Variants in NAV3 observed in about 807,000 individuals in gnomAD.
NAV3 encodes neuron navigator 3.
NAV3 carries 87 observed loss-of-function variants against 244.7 expected under a neutral mutation model. That is an observed-to-expected ratio of 0.36 (90% confidence interval 0.30 to 0.42). The LOEUF (loss-of-function observed/expected upper bound fraction) is 0.42, where lower values mean the gene tolerates loss of function less well. Ranked by LOEUF, NAV3 falls within the 20% of genes least tolerant of loss-of-function variation. NAV3 has a pLI of 1.00. For missense variants in NAV3, 2,663 were observed against 2,893.3 expected, an observed-to-expected ratio of 0.92 and a Z score of 1.83; for synonymous variants, 1,126 against 1,042.2, an observed-to-expected ratio of 1.08 and a Z score of -1.55.
intron 2 of NAV3, among the ~76,000 whole-genome samples, chr12:77,630,462 A>G (rs1383354234): frequency 1.3e-5 from 2 of 151,970 alleles, no homozygotes; most frequent in Non-Finnish European, 2.9e-5. Context: ...TATCTTCTGT[A>G]CTCTCCATAG....
chr12:78,211,067 C>T lies in NAV3; in HGVS notation c.*550C>T, dbSNP rs1960845146. ...AGCACAAATGGAATTGTGCAACCAC[C>T]AGAAAAACACTACTGTGGCAAACTG... On this transcript the variant is annotated 3_prime_UTR_variant, in exon 40 of 40. Transcript: ENST00000397909. The T allele has an allele frequency of 6.5e-6, 1 of 152,692 alleles. No homozygotes were observed. The highest frequency in any genetic ancestry group is 2.1e-4 in the South Asian group (1 of 4,830). The allele number at this position is 152,692 out of a possible 1,614,324, so 9.5% of individuals were successfully genotyped here.
intron 2 of NAV3, among the ~76,000 whole-genome samples, chr12:77,754,012 G>A (rs1295860487): frequency 6.6e-6 from 1 of 152,030 alleles, no homozygotes; most frequent in Non-Finnish European, 1.5e-5. Context: ...AAAAAGGTAG[G>A]CTAGGTATGC....
At chr12:77,673,240 C>G (rs1387495745) in intron 2 of NAV3, among the ~76,000 whole-genome samples, 1 of 152,058 alleles carries the variant, frequency 6.6e-6, no homozygotes, top group Non-Finnish European at 1.5e-5. Flanking sequence ...CTTTACTATT[C>G]ACACATATGT....
At chr12:77,923,960 G>T (rs1007908228) in intron 1 of NAV3, among the ~76,000 whole-genome samples, 2 of 152,162 alleles carry the variant, frequency 1.3e-5, no homozygotes, top group African/African-American at 4.8e-5. Flanking sequence ...GCTCTCTATA[G>T]GAGTTGTAAT....
chr12:78,144,877 G>C (rs143578753), intron 20 of NAV3, among the ~76,000 whole-genome samples: 1 of 129,428 alleles, frequency 7.7e-6, no homozygotes, highest in African/African-American at 3.0e-5. Context: ...TTGTGAATGC[G>C]CAGTGCACCT....
chr12:78,187,579 A>C (rs1017826388), intron 31 of NAV3, among the ~76,000 whole-genome samples: 26 of 151,916 alleles, frequency 1.7e-4, no homozygotes, highest in Admixed American at 1.5e-3. Context: ...ATAGATTTGG[A>C]ACCATTATGT....
intron 23 of NAV3, among the ~76,000 whole-genome samples, chr12:78,161,104 G>A (rs918152229): frequency 6.6e-6 from 1 of 152,066 alleles, no homozygotes; most frequent in African/African-American, 2.4e-5. Context: ...TCTTGAATGA[G>A]AATTCTGGCT....
intron 1 of NAV3, among the ~76,000 whole-genome samples, chr12:77,890,985 G>C (rs1883865826): frequency 1.3e-5 from 2 of 151,994 alleles, no homozygotes; most frequent in Non-Finnish European, 2.9e-5. Flanking sequence ...CTCCAAAGCA[G>C]ACTGTGATTA....
At chr12:77,681,345 T>C (rs1475521375) in intron 2 of NAV3, among the ~76,000 whole-genome samples, 1 of 152,210 alleles carries the variant, frequency 6.6e-6, no homozygotes, top group Non-Finnish European at 1.5e-5. Flanking sequence ...CCAAATCTTT[T>C]GTGTGTAGTA....
intron 14 of NAV3, 97 bp from the exon 15 acceptor site, chr12:78,119,140 A>AT: frequency 8.6e-7 from 1 of 1,162,266 alleles, no homozygotes. Flanking sequence ...GAAGGGAAAT[A>AT]ATATAAAGAA....
At chr12:77,647,276 C>CAAGAAAAACATACCA (rs1872643662) in intron 2 of NAV3, among the ~76,000 whole-genome samples, 1 of 152,004 alleles carries the variant, frequency 6.6e-6, no homozygotes, top group Non-Finnish European at 1.5e-5. Flanking sequence ...AGAGGAGTAA[C>CAAGAAAAACATACCA]ATTTCTTGGT....
rs139873197 is a variant in NAV3 at position 77,779,146 on chromosome 12, A to T, written c.73-161173A>T. On this transcript the variant is annotated intron_variant, in intron 2 of 8. Transcript: ENST00000550042. The stretch of plus-strand genomic sequence containing the variant: ...GTCATATTTCTTGTTTCCGCTACAA[A>T]TATTGGTTTGGGATAGATATTATGA... Among the ~76,000 whole-genome samples, 38 of 152,334 alleles carry T rather than the reference A, an allele frequency of 2.5e-4. No homozygotes were observed. In the East Asian group the frequency reaches 6.7e-3, roughly 27 times the overall value.
At chr12:77,792,994 C>T (rs1592687429) in intron 2 of NAV3, among the ~76,000 whole-genome samples, 1 of 152,238 alleles carries the variant, frequency 6.6e-6, no homozygotes, top group East Asian at 1.9e-4. Context: ...TTCTGAGAGG[C>T]TTCCCATGGT....
intron 1 of NAV3, among the ~76,000 whole-genome samples, chr12:77,923,294 TTTTGAA>T (rs1887888231): frequency 6.6e-6 from 1 of 152,124 alleles, no homozygotes; most frequent in African/African-American, 2.4e-5. Context: ...TAGTGAAGAA[TTTTGAA>T]TTTAAAAGTC....
At chr12:78,036,275 C>G (rs1348145507) in intron 9 of NAV3, 2 of 152,288 alleles carry the variant, frequency 1.3e-5, no homozygotes, top group Non-Finnish European at 2.9e-5. Flanking sequence ...AGGTGGAATA[C>G]TAAAATGTAA....
intron 12 of NAV3, among the ~76,000 whole-genome samples, chr12:78,065,392 CTG>C (rs2137524673): frequency 6.6e-6 from 1 of 152,252 alleles, no homozygotes; most frequent in East Asian, 1.9e-4. Context: ...TGACTCTGCA[CTG>C]TGCAAGCTAG....
intron 2 of NAV3, among the ~76,000 whole-genome samples, chr12:77,664,164 G>T (rs1478961388): frequency 1.3e-5 from 2 of 152,170 alleles, no homozygotes; most frequent in Admixed American, 6.5e-5. Flanking sequence ...ATACTTACAT[G>T]AAATAGCTAA....
intron 2 of NAV3, among the ~76,000 whole-genome samples, chr12:77,790,878 G>A (rs1036589735): frequency 2.0e-5 from 3 of 152,122 alleles, no homozygotes; most frequent in African/African-American, 4.8e-5. Context: ...TGAGGTCTGT[G>A]TATCTTCATG....
At chr12:77,898,212 A>G (rs1180361826) in intron 1 of NAV3, among the ~76,000 whole-genome samples, 1 of 152,222 alleles carries the variant, frequency 6.6e-6, no homozygotes, top group African/African-American at 2.4e-5. Context: ...ACCATCAGAA[A>G]GCCTCTAATA....
Sources: allele counts gnomAD v4.1 joint callset (sites outside exome capture counted in the v4.1 genomes callset), GRCh38; gene constraint gnomAD v4.1.1; transcripts MANE v1.5; gene names NCBI Gene and HGNC (gene_info 2026-07-23, HGNC 2026-07-21).